Variants in ILRUN observed in about 807,000 individuals in gnomAD.
The protein encoded by ILRUN is inflammation and lipid regulator with UBA-like and NBR1-like domains.
ILRUN carries 3 observed loss-of-function variants against 33.8 expected under a neutral mutation model. The observed-to-expected ratio is 0.09, with a 90% confidence interval of 0.04 to 0.23. The LOEUF (loss-of-function observed/expected upper bound fraction) is 0.23, where lower values mean the gene tolerates loss of function less well. Ranked by LOEUF, ILRUN falls within the 10% of genes least tolerant of loss-of-function variation. ILRUN has a pLI of 1.00. For synonymous variants in ILRUN, 124 were observed against 138.9 expected (o/e 0.89, Z 0.75); for missense variants, 210 against 375.1 (o/e 0.56, Z 3.64).
intron 4 of ILRUN, chr6:34,595,866 G>A (rs1761389255): frequency 2.0e-6 from 2 of 985,470 alleles, no homozygotes; most frequent in Non-Finnish European, 1.2e-6. Context: ...AACACCATGA[G>A]GACCCTCCTC....
chr6:34,607,505 G>A (rs1761659781), intron 3 of ILRUN, among the ~76,000 whole-genome samples: 1 of 152,106 alleles, frequency 6.6e-6, no homozygotes, highest in African/African-American at 2.4e-5. Context: ...CAAGAATTTG[G>A]CATGCCTCAG....
chr6:34,686,807 T>A, intron 1 of ILRUN: 1 of 122,128 alleles, frequency 8.2e-6, no homozygotes, highest in Admixed American at 9.1e-5. Context: ...ATACAAAAAA[T>A]TAGCTGGGCG....
intron 1 of ILRUN, among the ~76,000 whole-genome samples, chr6:34,666,357 CGAGACCAGCCT>C (rs1562024784): frequency 6.6e-6 from 1 of 152,092 alleles, no homozygotes; most frequent in East Asian, 1.9e-4. Flanking sequence ...GTCGGGAGTT[CGAGACCAGCCT>C]GACCAACATG....
chr6:34,629,408 T>C (rs1015754673), intron 3 of ILRUN, among the ~76,000 whole-genome samples: 2 of 152,196 alleles, frequency 1.3e-5, no homozygotes, highest in East Asian at 3.8e-4. Context: ...GCTCAAGTGA[T>C]CCTTCTGCCT....
At chr6:34,640,728 T>C (rs1403943576) in intron 3 of ILRUN, among the ~76,000 whole-genome samples, 1 of 146,998 alleles carries the variant, frequency 6.8e-6, no homozygotes, top group Non-Finnish European at 1.5e-5. Flanking sequence ...AATGAATGAA[T>C]GAATGAATGA....
chr6:34,614,820 G>A (rs561994677), intron 3 of ILRUN, among the ~76,000 whole-genome samples: 7 of 151,994 alleles, frequency 4.6e-5, no homozygotes, highest in Non-Finnish European at 8.8e-5. Context: ...CCCTTGATAG[G>A]GTGCTTTACC....
intron 3 of ILRUN, among the ~76,000 whole-genome samples, chr6:34,610,267 G>A (rs1215542148): frequency 6.6e-6 from 1 of 152,140 alleles, no homozygotes. Flanking sequence ...CACACATGTA[G>A]TGTGCCACTT....
At chr6:34,597,629 C>G (rs747564865) in intron 4 of ILRUN, among the ~76,000 whole-genome samples, 1 of 152,186 alleles carries the variant, frequency 6.6e-6, no homozygotes, top group Non-Finnish European at 1.5e-5. Context: ...TAAGGGAAGA[C>G]AGTAAGTTGT....
intron 1 of ILRUN, among the ~76,000 whole-genome samples, chr6:34,695,491 CCTT>C (rs1239774986): frequency 6.6e-6 from 1 of 152,228 alleles, no homozygotes; most frequent in Admixed American, 6.5e-5. Context: ...AAGAAACACT[CCTT>C]TACGTCGGGT....
chr6:34,654,536 T>A, intron 2 of ILRUN, 89 bp downstream of exon 2: 1 of 1,363,774 alleles, frequency 7.3e-7, no homozygotes, highest in Non-Finnish European at 1.0e-6. Context: ...AGTTACACAA[T>A]CACATACATA....
intron 3 of ILRUN, chr6:34,616,626 G>A (rs183970278): frequency 4.5e-6 from 7 of 1,562,606 alleles, no homozygotes; most frequent in African/African-American, 2.7e-5. Flanking sequence ...AAGATCAATC[G>A]CCTGAGAAAG....
At chr6:34,640,191 G>A (rs1419203379) in intron 3 of ILRUN, among the ~76,000 whole-genome samples, 3 of 152,038 alleles carry the variant, frequency 2.0e-5, no homozygotes, top group African/African-American at 4.8e-5. Flanking sequence ...GTGAAGCCAC[G>A]GATCTTTAGT....
At chr6:34,609,400 T>A (rs908781503) in intron 3 of ILRUN, among the ~76,000 whole-genome samples, 1 of 152,024 alleles carries the variant, frequency 6.6e-6, no homozygotes, top group African/African-American at 2.4e-5. Flanking sequence ...TAAGATGGGA[T>A]AATTGCTTGA....
intron 1 of ILRUN, among the ~76,000 whole-genome samples, chr6:34,693,751 C>T (rs1349255813): frequency 1.3e-5 from 2 of 151,498 alleles, no homozygotes; most frequent in African/African-American, 2.4e-5. Flanking sequence ...ACTGCAAGCT[C>T]CGCCTCCTGG....
chr6:34,663,592 C>T (rs1275036709), intron 1 of ILRUN, among the ~76,000 whole-genome samples: 1 of 152,160 alleles, frequency 6.6e-6, no homozygotes, highest in Non-Finnish European at 1.5e-5. Context: ...AATCCTCCTG[C>T]CTTGGCCTCC....
Position 34,617,110 on chromosome 6 carries a change from T to C in ILRUN, c.512-10206A>G, listed in dbSNP as rs553308482. 4.9e-5 allele frequency: 26 copies of C among 530,840 alleles called. 1 individual carries two copies. Among genetic ancestry groups the C allele is most frequent in the South Asian group, 3.1e-4 (22 of 71,252 alleles). The allele number at this position is 530,840 out of a possible 1,614,324, so 32.9% of individuals were successfully genotyped here. ...TCATGAGATCTATACTGTTGGAAAA[T>C]GCTTCAAAGAAGCAAATAACTTCCT... On this transcript the variant is annotated intron_variant, in intron 3 of 4. Transcript: ENST00000374023.
chr6:34,615,078 T>C (rs144489803), intron 3 of ILRUN, among the ~76,000 whole-genome samples: 1 of 152,196 alleles, frequency 6.6e-6, no homozygotes, highest in East Asian at 1.9e-4. Flanking sequence ...GTGAAAAAAA[T>C]TGGTGAAATC....
At chr6:34,616,600 G>T in intron 3 of ILRUN, 1 of 1,572,340 alleles carries the variant, frequency 6.4e-7, no homozygotes, top group Non-Finnish European at 8.6e-7. Context: ...AAAAGCGAAG[G>T]AATTTTGCAG....
chr6:34,633,025 A>T (rs922546090), intron 3 of ILRUN, among the ~76,000 whole-genome samples: 1 of 152,220 alleles, frequency 6.6e-6, no homozygotes, highest in Non-Finnish European at 1.5e-5. Flanking sequence ...AGGAAAAAAG[A>T]TCCAACTACA....
Sources: gnomAD v4.1 joint callset for allele counts (sites outside exome capture counted in the v4.1 genomes callset) on GRCh38, gnomAD v4.1.1 for gene constraint, MANE v1.5 for transcripts, NCBI Gene and HGNC (gene_info 2026-07-23, HGNC 2026-07-21) for gene names.